Variants in ERBB4 observed in about 807,000 individuals in gnomAD.
ERBB4 encodes erb-b2 receptor tyrosine kinase 4, also known as receptor tyrosine-protein kinase erbB-4.
A neutral mutation model predicts 158.0 loss-of-function variants in ERBB4; 42 were observed. The observed-to-expected ratio is 0.27, with a 90% CI of 0.21 to 0.34. The LOEUF is 0.34. Ranked by LOEUF, ERBB4 falls within the 10% of genes least tolerant of loss-of-function variation. ERBB4 has a pLI of 1.00. For synonymous variants in ERBB4, 583 were observed against 558.7 expected (o/e 1.04, Z -0.61); for missense variants, 1,333 against 1,624.1 (o/e 0.82, Z 3.08).
chr2:211,749,572 A>G (rs1260598027), intron 5 of ERBB4, among the ~76,000 whole-genome samples: 2 of 152,340 alleles, frequency 1.3e-5, no homozygotes, highest in East Asian at 3.9e-4. Flanking sequence ...TGGATATGAG[A>G]GTGCCCATGA....
At chr2:212,195,277 T>A (rs1376028981) in intron 1 of ERBB4, among the ~76,000 whole-genome samples, 1 of 151,984 alleles carries the variant, frequency 6.6e-6, no homozygotes, top group Non-Finnish European at 1.5e-5. Flanking sequence ...ATAGCAACAG[T>A]TGTTAGCTAC....
chr2:212,015,103 TATATATATAA>T (rs1480981981), intron 2 of ERBB4, among the ~76,000 whole-genome samples: 2 of 80,368 alleles, frequency 2.5e-5, no homozygotes, highest in African/African-American at 5.5e-5. Flanking sequence ...TATATATATA[TATATATATAA>T]AAATTAGCCG....
At chr2:212,530,425 T>C (rs1252418020) in intron 1 of ERBB4, among the ~76,000 whole-genome samples, 1 of 152,182 alleles carries the variant, frequency 6.6e-6, no homozygotes, top group African/African-American at 2.4e-5. Flanking sequence ...TCACATTCTT[T>C]AAGCCTACAG....
rs147338959 is a variant in ERBB4, at chr2:211,567,862, A to G, written c.2302-5774T>C. On this transcript the variant is annotated intron_variant, in intron 19 of 27. Transcript: ENST00000342788. ...TAGGAGAGTAGATAAAGAAAAGGGA[A>G]TATGAATTTATTTAGACTGATGAGT... Among the ~76,000 whole-genome samples, 346 of 152,050 alleles carry G rather than the reference A, an allele frequency of 2.3e-3. 1 individual carries two copies. Among genetic ancestry groups the G allele is most frequent in the Non-Finnish European group, 3.2e-3 (218 of 67,946 alleles).
intron 1 of ERBB4, among the ~76,000 whole-genome samples, chr2:212,486,761 G>T (rs1690003765): frequency 6.6e-6 from 1 of 151,990 alleles, no homozygotes; most frequent in South Asian, 2.1e-4. Context: ...AAAGACTCTG[G>T]GTCTATGGCA....
intron 1 of ERBB4, among the ~76,000 whole-genome samples, chr2:212,407,576 AGT>A (rs1479183427): frequency 6.6e-6 from 1 of 152,094 alleles, no homozygotes; most frequent in Admixed American, 6.6e-5. Context: ...TATGTATTTA[AGT>A]GTTTTTAAGT....
At chr2:212,004,695 G>A (rs541048305) in intron 2 of ERBB4, among the ~76,000 whole-genome samples, 16 of 152,030 alleles carry the variant, frequency 1.1e-4, no homozygotes, top group Middle Eastern at 3.4e-3. Flanking sequence ...GAAAGACTCT[G>A]GTCTATCACA....
intron 1 of ERBB4, among the ~76,000 whole-genome samples, chr2:212,192,000 TATATATA>T (rs1454509030): frequency 4.3e-4 from 33 of 76,188 alleles, no homozygotes; most frequent in African/African-American, 1.6e-3. Flanking sequence ...TTATATATGT[TATATATA>T]ATATATGTTA....
At chr2:212,257,903 TA>T (rs1211681039) in intron 1 of ERBB4, among the ~76,000 whole-genome samples, 10 of 152,240 alleles carry the variant, frequency 6.6e-5, no homozygotes, top group African/African-American at 2.4e-4. Context: ...TGTCAGTCAA[TA>T]AAAACGGTCC....
intron 1 of ERBB4, among the ~76,000 whole-genome samples, chr2:212,169,893 T>C (rs1411776769): frequency 6.6e-6 from 1 of 152,162 alleles, no homozygotes; most frequent in African/African-American, 2.4e-5. Context: ...TGAGGCCTCA[T>C]CGGCCATGTG....
At chr2:212,438,112 A>C (rs6760968) in intron 1 of ERBB4, among the ~76,000 whole-genome samples, 2 of 151,974 alleles carry the variant, frequency 1.3e-5, no homozygotes, top group Non-Finnish European at 2.9e-5. Context: ...TTTCTAGACT[A>C]GTGCTCATAA....
chr2:211,784,863 T>C (rs1265734716), intron 4 of ERBB4, among the ~76,000 whole-genome samples: 1 of 152,190 alleles, frequency 6.6e-6, no homozygotes, highest in Non-Finnish European at 1.5e-5. Context: ...TGATTAGTAA[T>C]GTTGAGCATC....
chr2:211,771,805 A>T (rs2075698838), intron 4 of ERBB4, among the ~76,000 whole-genome samples: 1 of 152,098 alleles, frequency 6.6e-6, no homozygotes, highest in Non-Finnish European at 1.5e-5. Flanking sequence ...TGCTGGCCGA[A>T]TCTCTTGGTG....
chr2:211,420,463 C>T lies in ERBB4; in HGVS notation c.3113G>A (p.Arg1038Lys). The T allele has an allele frequency of 6.2e-7, 1 of 1,611,934 alleles. No individual in the cohort carries two copies. The highest frequency in any genetic ancestry group is 8.5e-7 in the Non-Finnish European group (1 of 1,178,388). Residue 1038 changes from arginine to lysine, a missense_variant, in exon 25 of 28, where the codon AGA becomes AAA. By Grantham distance (26) the Arg-to-Lys change is conservative. Around this residue, in one of 5 missense-constraint regions of ERBB4, gnomAD observed 252 missense variants for 241.3 expected, o/e 1.04. Transcript: ENST00000342788. ...TACCCTATTCGAGTCAATTCTTGCT[C>T]TGGAAGTATAGATGGGAGGTGGGAT... Reference protein sequence around the residue: ...FNIPPPIYTSRARIDSNRSEI... With the variant: ...FNIPPPIYTSKARIDSNRSEI...
intron 2 of ERBB4, among the ~76,000 whole-genome samples, chr2:212,079,359 T>C (rs2078367299): frequency 2.0e-5 from 3 of 152,070 alleles, no homozygotes; most frequent in Admixed American, 2.0e-4. Flanking sequence ...ACCCAATGAA[T>C]TCACGATAGC....
intron 19 of ERBB4, among the ~76,000 whole-genome samples, chr2:211,567,497 G>A (rs540641550): frequency 1.3e-5 from 2 of 152,112 alleles, no homozygotes; most frequent in African/African-American, 2.4e-5. Flanking sequence ...GGTAGTATTT[G>A]ATAAATGTTA....
At chr2:211,441,991 T>G (rs1198717412) in intron 20 of ERBB4, among the ~76,000 whole-genome samples, 1 of 152,072 alleles carries the variant, frequency 6.6e-6, no homozygotes, top group Non-Finnish European at 1.5e-5. Flanking sequence ...TGCCATCATT[T>G]CCTCATTCTC....
intron 2 of ERBB4, among the ~76,000 whole-genome samples, chr2:211,996,834 G>A (rs1449287933): frequency 6.6e-6 from 1 of 152,144 alleles, no homozygotes; most frequent in Non-Finnish European, 1.5e-5. Context: ...GGTCATACAC[G>A]TTTAATTTTA....
chr2:211,797,917 A>G (rs1032208236), intron 3 of ERBB4, among the ~76,000 whole-genome samples: 1 of 152,108 alleles, frequency 6.6e-6, no homozygotes, highest in African/African-American at 2.4e-5. Flanking sequence ...GGTTGTCAAA[A>G]TACAAAATAT....
Sources: allele counts gnomAD v4.1 joint callset (sites outside exome capture counted in the v4.1 genomes callset), GRCh38; gene constraint gnomAD v4.1.1; regional missense constraint gnomAD v4.1.1; transcripts MANE v1.5; gene names NCBI Gene and HGNC (gene_info 2026-07-23, HGNC 2026-07-21).